The following GLO1 variants were observed in gnomAD, a reference collection of about 807,000 sequenced individuals.
GLO1 encodes the protein lactoylglutathione lyase.
Under a neutral mutation model 26.0 loss-of-function variants are expected in GLO1, and 28 were observed. The ratio of observed to expected loss-of-function variants is 1.08; its 90% CI spans 0.80 to 1.48. GLO1 has a LOEUF of 1.48. GLO1 is among the 40% of genes most tolerant of loss of function. GLO1 has a pLI of 0.00. For synonymous variants in GLO1, 78 were observed against 77.6 expected (o/e 1.00, Z -0.03); for missense variants, 225 against 224.8 (o/e 1.00, Z -0.01).
chr6:38,697,522 G>A (rs1048327878), intron 1 of GLO1, among the ~76,000 whole-genome samples: 4 of 152,198 alleles, frequency 2.6e-5, no homozygotes, highest in African/African-American at 9.7e-5. Flanking sequence ...ACAAGGGACA[G>A]TTATAAGAGT....
chr6:38,685,224 G>C (rs546929882), intron 2 of GLO1, among the ~76,000 whole-genome samples: 1 of 152,272 alleles, frequency 6.6e-6, no homozygotes, highest in African/African-American at 2.4e-5. Context: ...AGTGACAATG[G>C]GGAGGTAGGC....
At chr6:38,687,520 C>T (rs933032090) in intron 1 of GLO1, among the ~76,000 whole-genome samples, 1 of 152,174 alleles carries the variant, frequency 6.6e-6, no homozygotes, top group Non-Finnish European at 1.5e-5. Context: ...CTGGTGACCA[C>T]GCAAATTAGC....
In GLO1 at chr6:38,682,053, A is replaced by C. The variant is rs1214167010; in HGVS notation, c.425T>G (p.Phe142Cys). 1.9e-5 allele frequency: 30 copies of C among 1,597,442 alleles called. No individual in the cohort carries two copies. Among genetic ancestry groups the C allele is most frequent in the Non-Finnish European group, 2.5e-5 (29 of 1,164,812 alleles). Residue 142 changes from phenylalanine to cysteine, a missense_variant, in exon 5 of 6, where the codon TTT becomes TGT. Transcript: ENST00000373365. ...CACAAATTTGACTCCCAGTTCTTCA[A>C]ACCTTTTACAAGCACTGTATACATC... is the stretch of plus-strand genomic sequence containing the variant. Reference protein sequence around the residue: ...VPDVYSACKRFEELGVKFVKK... With the variant: ...VPDVYSACKRCEELGVKFVKK...
chr6:38,692,405 C>A (rs1761544218), intron 1 of GLO1, among the ~76,000 whole-genome samples: 1 of 152,196 alleles, frequency 6.6e-6, no homozygotes, highest in Non-Finnish European at 1.5e-5. Flanking sequence ...TGCAACCTTG[C>A]TGAACTCATT....
chr6:38,702,724 C>T (rs970812248), intron 1 of GLO1, among the ~76,000 whole-genome samples: 3 of 152,148 alleles, frequency 2.0e-5, no homozygotes, highest in African/African-American at 7.2e-5. Flanking sequence ...CAGCCACCGT[C>T]GCAACATAAA....
chr6:38,683,089 A>C, intron 3 of GLO1: 1 of 511,942 alleles, frequency 2.0e-6, no homozygotes, highest in Non-Finnish European at 3.5e-6. Flanking sequence ...CAGGTACTGG[A>C]CAAGAACAAT....
chr6:38,687,521 G>A (rs1409714013), intron 1 of GLO1, among the ~76,000 whole-genome samples: 1 of 152,130 alleles, frequency 6.6e-6, no homozygotes, highest in East Asian at 1.9e-4. Flanking sequence ...TGGTGACCAC[G>A]CAAATTAGCA....
intron 5 of GLO1, among the ~76,000 whole-genome samples, chr6:38,680,740 A>T (rs1244923566): frequency 6.6e-6 from 1 of 151,988 alleles, no homozygotes; most frequent in Non-Finnish European, 1.5e-5. Flanking sequence ...AAAATAAAAC[A>T]ATTAGCTGGG....
rs570356409 is a variant in GLO1, at chr6:38,679,480, C to T, written c.467-2097G>A. The stretch of plus-strand genomic sequence containing the variant: ...CAGGCATGAGCCACCATGCCCAGAC[C>T]CAAGGACTATTTAGACATGTAAAAG... On this transcript the variant is annotated intron_variant, in intron 5 of 5. Transcript: ENST00000373365. 4.1e-4 allele frequency among the ~76,000 whole-genome samples: 62 copies of T among 152,120 alleles called. 1 individual carries two copies. In the South Asian group the frequency reaches 0.012, roughly 31 times the overall value.
At chr6:38,695,815 T>A (rs1761603492) in intron 1 of GLO1, among the ~76,000 whole-genome samples, 1 of 152,198 alleles carries the variant, frequency 6.6e-6, no homozygotes. Flanking sequence ...CATTTCCAGG[T>A]CCTGTGGCTA....
At chr6:38,699,210 C>G (rs531256983) in intron 1 of GLO1, among the ~76,000 whole-genome samples, 1 of 152,206 alleles carries the variant, frequency 6.6e-6, no homozygotes, top group Non-Finnish European at 1.5e-5. Context: ...GGCAGAGGAA[C>G]ATAAATTGTG....
chr6:38,688,547 G>A (rs895686399), intron 1 of GLO1, among the ~76,000 whole-genome samples: 3 of 152,122 alleles, frequency 2.0e-5, no homozygotes, highest in African/African-American at 7.2e-5. Flanking sequence ...AATATGAGTG[G>A]TAGCTGCTTC....
At chr6:38,685,415 C>T (rs1226487446) in intron 2 of GLO1, among the ~76,000 whole-genome samples, 1 of 152,032 alleles carries the variant, frequency 6.6e-6, no homozygotes, top group Non-Finnish European at 1.5e-5. Context: ...GATTATTTGG[C>T]AAGGAGTAAG....
At chr6:38,680,076 G>T (rs12214815) in intron 5 of GLO1, among the ~76,000 whole-genome samples, 2 of 152,010 alleles carry the variant, frequency 1.3e-5, no homozygotes, top group East Asian at 1.9e-4. Flanking sequence ...TGAATTGACA[G>T]ATTTTTCAAC....
chr6:38,697,192 C>T (rs563957921), intron 1 of GLO1, among the ~76,000 whole-genome samples: 22 of 152,266 alleles, frequency 1.4e-4, no homozygotes, highest in Admixed American at 3.9e-4. Flanking sequence ...GGATTACAGA[C>T]GTGAGCCACC....
At chr6:38,685,883 A>C (rs1406884909) in intron 2 of GLO1, among the ~76,000 whole-genome samples, 2 of 152,230 alleles carry the variant, frequency 1.3e-5, no homozygotes, top group Non-Finnish European at 2.9e-5. Flanking sequence ...TACAGGTTCC[A>C]GCCCTGCCAT....
At chr6:38,698,023 T>C (rs1037081364) in intron 1 of GLO1, among the ~76,000 whole-genome samples, 20 of 152,236 alleles carry the variant, frequency 1.3e-4, no homozygotes, top group Admixed American at 9.2e-4. Context: ...TGTAGCTGCA[T>C]ACTTCTCTAA....
intron 1 of GLO1, among the ~76,000 whole-genome samples, chr6:38,687,465 A>G (rs1761474376): frequency 6.6e-6 from 1 of 152,214 alleles, no homozygotes. Context: ...TGATCACTAC[A>G]ATATTTGTTG....
intron 1 of GLO1, among the ~76,000 whole-genome samples, chr6:38,694,393 C>T (rs764124407): frequency 6.6e-6 from 1 of 152,030 alleles, no homozygotes; most frequent in Non-Finnish European, 1.5e-5. Context: ...GAAAGAGGAG[C>T]GTTGGCTGGG....
Sources: gnomAD v4.1 joint callset for allele counts (sites outside exome capture counted in the v4.1 genomes callset) on GRCh38, gnomAD v4.1.1 for gene constraint, MANE v1.5 for transcripts, NCBI Gene and HGNC (gene_info 2026-07-23, HGNC 2026-07-21) for gene names.